PDLIM1: variants seen among roughly 807,000 people sequenced by gnomAD.
PDLIM1 encodes the protein PDZ and LIM domain protein 1.
In PDLIM1, 25 loss-of-function variants were observed where a neutral mutation model predicts 35.2. That is an observed-to-expected ratio of 0.71 (90% CI 0.52 to 0.99). PDLIM1 has a LOEUF of 0.99. PDLIM1 is among the 50% of genes least tolerant of loss of function. The probability of loss-of-function intolerance (pLI) is 0.00; values close to 1 mark genes in which losing one functional copy is unlikely to be tolerated. For missense variants in PDLIM1, 363 were observed against 415.3 expected (o/e 0.87, Z 1.09); for synonymous variants, 152 against 154.0 (o/e 0.99, Z 0.10).
At chr10:95,271,491 C>A in intron 2 of PDLIM1, 142 bp downstream of exon 2, 2 of 567,540 alleles carry the variant, frequency 3.5e-6, no homozygotes, top group South Asian at 3.9e-5. Flanking sequence ...GTTCAAATTC[C>A]ACAGACCTTT....
chr10:95,264,670 A>G (rs2133427011), intron 3 of PDLIM1, among the ~76,000 whole-genome samples: 1 of 152,298 alleles, frequency 6.6e-6, no homozygotes, highest in Admixed American at 6.5e-5. Context: ...CTAATCAGAT[A>G]GAAGGTCGGG....
chr10:95,242,149 G>T lies in PDLIM1; in HGVS notation c.686-3464C>A, dbSNP rs149138812. Among the ~76,000 whole-genome samples, 3 of 152,102 alleles carry T rather than the reference G, an allele frequency of 2.0e-5. No individual in the cohort carries two copies. The East Asian group carries it at 5.8e-4, about 30-fold the overall frequency. On this transcript the variant is annotated intron_variant, in intron 5 of 6. Transcript: ENST00000329399. ...TTTTAAGTGGTGAGCTCTACAGATGGGCTTGGGGAAGACTCAGTTCTGCCC... is the reference window on the plus strand; with the variant it reads ...TTTTAAGTGGTGAGCTCTACAGATGTGCTTGGGGAAGACTCAGTTCTGCCC...
chr10:95,256,974 TAAA>T (rs1186043233), intron 4 of PDLIM1, among the ~76,000 whole-genome samples: 1 of 17,350 alleles, frequency 5.8e-5, no homozygotes, highest in East Asian at 1.6e-3. Flanking sequence ...GACTTCATCT[TAAA>T]AAAAAAAAAA....
chr10:95,283,423 T>C (rs910188909), intron 1 of PDLIM1, among the ~76,000 whole-genome samples: 2 of 152,196 alleles, frequency 1.3e-5, no homozygotes, highest in African/African-American at 4.8e-5. Flanking sequence ...CTAGCAGATA[T>C]CAAAAATGTA....
rs143601677 is a variant in PDLIM1, at chr10:95,284,501, C to T, written c.96+6319G>A. On this transcript the variant is annotated intron_variant, in intron 1 of 6. Coordinates refer to ENST00000329399, the MANE Select transcript of PDLIM1 (RefSeq NM_020992.4). ...CTTGAGTAGCTGGAACTACAGGTGC[C>T]TGCCACTACGCCTGGCTAATTTTTG... is the stretch of plus-strand genomic sequence containing the variant. 5.9e-3 allele frequency among the ~76,000 whole-genome samples: 905 copies of T among 152,138 alleles called. 5 individuals carry two copies. The highest frequency in any genetic ancestry group is 9.7e-3 in the Non-Finnish European group (657 of 68,002).
chr10:95,282,710 T>C (rs909163261), intron 1 of PDLIM1, among the ~76,000 whole-genome samples: 15 of 152,190 alleles, frequency 9.9e-5, no homozygotes, highest in African/African-American at 3.6e-4. Context: ...GAGGCCGAGA[T>C]GGGCGGATCA....
Position 95,237,821 on chromosome 10 carries a change from A to G in PDLIM1, c.*104T>C. 9.9e-7 allele frequency: 1 copy of G among 1,005,946 alleles called. No homozygotes were observed. The highest frequency in any genetic ancestry group is 1.5e-6 in the Non-Finnish European group (1 of 684,570). 62.3% of individuals were successfully genotyped at this position (1,005,946 alleles called of 1,614,324 possible). On this transcript the variant is annotated 3_prime_UTR_variant, in exon 7 of 7. Transcript: ENST00000329399. Reference sequence around the variant, plus strand: ...ACTCAATGTTTTACAAGCAGAGGGAAAACCAAAGTAAGCAGAGAACTTTCA... The same window carrying G: ...ACTCAATGTTTTACAAGCAGAGGGAGAACCAAAGTAAGCAGAGAACTTTCA...
At chr10:95,283,844 C>A (rs1469193060) in intron 1 of PDLIM1, among the ~76,000 whole-genome samples, 1 of 152,224 alleles carries the variant, frequency 6.6e-6, no homozygotes, top group Non-Finnish European at 1.5e-5. Context: ...CCTCCCTGTG[C>A]CCGCCTTCCG....
chr10:95,262,119 A>C (rs12358530), intron 4 of PDLIM1, among the ~76,000 whole-genome samples: 1 of 151,744 alleles, frequency 6.6e-6, no homozygotes, highest in African/African-American at 2.4e-5. Flanking sequence ...CTCTCTGGGG[A>C]GGGGAGGGGT....
intron 1 of PDLIM1, among the ~76,000 whole-genome samples, chr10:95,276,486 A>G (rs2035512563): frequency 6.6e-6 from 1 of 152,200 alleles, no homozygotes; most frequent in Non-Finnish European, 1.5e-5. Context: ...CAGAAGTGAC[A>G]AGGGTTACAG....
chr10:95,287,657 A>G (rs914183614), intron 1 of PDLIM1, among the ~76,000 whole-genome samples: 14 of 152,082 alleles, frequency 9.2e-5, no homozygotes, highest in Non-Finnish European at 2.9e-5. Flanking sequence ...AGAAATTAAC[A>G]TGGAAAATTT....
In PDLIM1 at chr10:95,271,722, A is replaced by G. The variant is rs746599350; in HGVS notation, c.159T>C (p.Ile53=). 12 of 1,612,956 alleles carry G rather than the reference A, an allele frequency of 7.4e-6. No homozygotes were observed. In the East Asian group the frequency reaches 1.1e-4, roughly 15 times the overall value. The change falls in exon 2 of 7, where the codon ATT becomes ATC. Residue 53 remains isoleucine (I), a synonymous_variant. Transcript: ENST00000329399. ...NLCIGDVITA[I]DGENTSNMTH... is the part of the protein sequence containing the mutation. ...TCATATTGCTAGTATTTTCCCCATC[A>G]ATGGCTGTGATTACATCTCCAATAC...
chr10:95,240,662 T>G (rs61871367), intron 5 of PDLIM1, among the ~76,000 whole-genome samples: 46,762 of 152,026 alleles, frequency 0.31, 8,005 homozygotes, highest in Non-Finnish European at 0.39. Flanking sequence ...TGTTGGAAAT[T>G]TAAAAATAAA....
intron 4 of PDLIM1, among the ~76,000 whole-genome samples, chr10:95,252,081 G>A (rs2035272654): frequency 6.6e-6 from 1 of 152,210 alleles, no homozygotes; most frequent in African/African-American, 2.4e-5. Flanking sequence ...CAAGTGGGGG[G>A]TCCAGACTTC....
Position 95,264,401 on chromosome 10 carries a change from A to T in PDLIM1, c.334-338T>A, listed in dbSNP as rs74153819. Among the ~76,000 whole-genome samples the T allele has an allele frequency of 3.5e-4, 54 of 152,326 alleles. 1 individual carries two copies. The highest frequency in any genetic ancestry group is 1.3e-3 in the African/African-American group (52 of 41,574). On this transcript the variant is annotated intron_variant, in intron 3 of 6. Transcript: ENST00000329399. Reference sequence around the variant, plus strand: ...GTAAGATTCAAGTCAGAGCTAAAACACGCTTTCAGGGCACATACCAAAGAG... The same window carrying T: ...GTAAGATTCAAGTCAGAGCTAAAACTCGCTTTCAGGGCACATACCAAAGAG...
chr10:95,244,064 C>T (rs951287087), intron 5 of PDLIM1, among the ~76,000 whole-genome samples: 1 of 152,046 alleles, frequency 6.6e-6, no homozygotes, highest in Non-Finnish European at 1.5e-5. Context: ...TACTTAATAC[C>T]ACTAAATTGT....
chr10:95,291,003 G>T lies in PDLIM1; in HGVS notation c.-88C>A. On this transcript the variant is annotated 5_prime_UTR_variant, in exon 1 of 7. Transcript: ENST00000329399. ...CAGGGCACCCCCGGCGGCTGTCGGA[G>T]AAAGAGCGGCGCGGCGCGGGCCCGG... 1.4e-6 allele frequency: 1 copy of T among 735,458 alleles called. No homozygotes were observed. Among genetic ancestry groups the T allele is most frequent in the Non-Finnish European group, 2.0e-6 (1 of 499,712 alleles). 45.6% of individuals were successfully genotyped at this position (735,458 alleles called of 1,614,324 possible). A position where few individuals can be genotyped will look rare whatever the true frequency, so the allele number is the denominator to read the frequency against.
In PDLIM1 at chr10:95,290,900, T is replaced by G; in HGVS notation, c.16A>C (p.Ile6Leu). Residue 6 changes from isoleucine (I) to leucine (L), a missense_variant, in exon 1 of 7, where the codon ATA becomes CTA. Physicochemically the swap from Ile to Leu is conservative, Grantham distance 5 (BLOSUM62 2). Transcript: ENST00000329399. The surrounding 1 kb of genome is among the most constrained non-coding windows in gnomAD (Gnocchi z 4.7). The stretch of plus-strand genomic sequence containing the variant: ...CACGGCCCCGGGCCCTGGAGGTCTA[T>G]CTGCTGGGTGGTCATGGCGCGGCTG... Reference protein sequence around the residue: MTTQQIDLQGPGPWGF... With the variant: MTTQQLDLQGPGPWGF... The G allele has an allele frequency of 6.4e-7, 1 of 1,559,792 alleles. No homozygotes were observed. Among genetic ancestry groups the G allele is most frequent in the Non-Finnish European group, 8.7e-7 (1 of 1,152,374 alleles).
At position 95,237,870 on chromosome 10, in the gene PDLIM1, G is replaced by A; in HGVS notation, c.*55C>T. On this transcript the variant is annotated 3_prime_UTR_variant, in exon 7 of 7. Coordinates refer to ENST00000329399, the MANE Select transcript of PDLIM1 (RefSeq NM_020992.4). The stretch of plus-strand genomic sequence containing the variant: ...CAAGAGAGGAGAGGGCCAGAACACT[G>A]AGAGAAAAAGCTGCAGCAGAGGCCT... The A allele has an allele frequency of 6.7e-7, 1 of 1,497,876 alleles. No individual in the cohort carries two copies. The highest frequency in any genetic ancestry group is 9.2e-7 in the Non-Finnish European group (1 of 1,085,698). 92.8% of individuals were successfully genotyped at this position (1,497,876 alleles called of 1,614,324 possible).
Sources: allele counts gnomAD v4.1 joint callset (sites outside exome capture counted in the v4.1 genomes callset), GRCh38; gene constraint gnomAD v4.1.1; non-coding constraint Gnocchi (gnomAD v3.1); transcripts MANE v1.5; gene names NCBI Gene and HGNC (gene_info 2026-07-23, HGNC 2026-07-21).